The following WDR27 variants were observed in gnomAD, a reference collection of about 807,000 sequenced individuals.
WDR27 encodes the protein WD repeat-containing protein 27.
Under a neutral mutation model 114.4 loss-of-function variants are expected in WDR27, and 100 were observed. The ratio of observed to expected loss-of-function variants is 0.87; its 90% CI spans 0.74 to 1.03. The LOEUF is 1.03. WDR27 is among the 50% of genes least tolerant of loss of function. WDR27 has a pLI of 0.00. For missense variants in WDR27, 1,129 were observed against 1,092.9 expected, an observed-to-expected ratio of 1.03 and a Z score of -0.47; for synonymous variants, 449 against 423.1, an observed-to-expected ratio of 1.06 and a Z score of -0.75.
At chr6:169,657,086 C>T (rs985161746) in intron 13 of WDR27, among the ~76,000 whole-genome samples, 2 of 152,092 alleles carry the variant, frequency 1.3e-5, no homozygotes, top group African/African-American at 2.4e-5. Context: ...GGAAACAGGG[C>T]GGAGGAATGG....
At chr6:169,695,485 A>G (rs934322281) in intron 1 of WDR27, among the ~76,000 whole-genome samples, 1 of 152,238 alleles carries the variant, frequency 6.6e-6, no homozygotes, top group Non-Finnish European at 1.5e-5. Context: ...AGAAACAGAC[A>G]TCGCTTCTCT....
At chr6:169,640,209 C>T (rs1477088115) in intron 17 of WDR27, among the ~76,000 whole-genome samples, 3 of 152,312 alleles carry the variant, frequency 2.0e-5, no homozygotes, top group South Asian at 2.1e-4. Flanking sequence ...GATCTCCCCA[C>T]GGAGCAGAAG....
At chr6:169,444,362 C>T in the WDR27 span, among the ~76,000 whole-genome samples, 1 of 152,228 alleles carries the variant, frequency 6.6e-6, no homozygotes, top group East Asian at 1.9e-4. Flanking sequence ...GTTTGTCCCT[C>T]ATTAGCCTGT....
intron 25 of WDR27, among the ~76,000 whole-genome samples, chr6:169,529,591 A>T (rs1795353025): frequency 6.6e-6 from 1 of 152,216 alleles, no homozygotes; most frequent in African/African-American, 2.4e-5. Flanking sequence ...GCACTCATTA[A>T]ATCAGAGTTA....
intron 13 of WDR27, among the ~76,000 whole-genome samples, chr6:169,652,405 C>T (rs903596371): frequency 2.0e-5 from 3 of 152,186 alleles, no homozygotes; most frequent in East Asian, 1.9e-4. Flanking sequence ...CACGCCACCA[C>T]GCCTGGCTAA....
Position 169,613,505 on chromosome 6 carries a change from C to T in WDR27, c.2321+54G>A. The stretch of plus-strand genomic sequence containing the variant: ...CATTCGGAAAAGAGATCAGATTGAG[C>T]TTATATCTCTTGAGCTCCCCACCCC... On this transcript the variant is annotated intron_variant, in intron 22 of 25. Coordinates refer to ENST00000448612, the MANE Select transcript of WDR27 (RefSeq NM_182552.5). The T allele has an allele frequency of 6.5e-6, 9 of 1,392,210 alleles. No individual in the cohort carries two copies. The South Asian group carries it at 1.1e-4, about 16-fold the overall frequency. 86.2% of individuals were successfully genotyped at this position (1,392,210 alleles called of 1,614,324 possible). A position where few individuals can be genotyped will look rare whatever the true frequency, so the allele number is the denominator to read the frequency against.
chr6:169,617,616 TC>T (rs1812168853), intron 21 of WDR27, among the ~76,000 whole-genome samples: 1 of 152,188 alleles, frequency 6.6e-6, no homozygotes, highest in Non-Finnish European at 1.5e-5. Flanking sequence ...CCTCAGGTGA[TC>T]CACCCACCTC....
At chr6:169,645,036 T>TAAAAAAAA (rs369797685) in intron 16 of WDR27, among the ~76,000 whole-genome samples, 245 of 76,876 alleles carry the variant, frequency 3.2e-3, no homozygotes, top group Non-Finnish European at 4.7e-3. Flanking sequence ...AAAAAAAAAA[T>TAAAAAAAA]AAAAAAAAAA....
At chr6:169,683,632 G>A (rs1782124840) in intron 2 of WDR27, among the ~76,000 whole-genome samples, 2 of 152,296 alleles carry the variant, frequency 1.3e-5, no homozygotes, top group East Asian at 3.9e-4. Context: ...CACCTGTGGT[G>A]ACTGGAAGTC....
At chr6:169,559,307 G>C (rs1411543563) in intron 25 of WDR27, 2 of 152,202 alleles carry the variant, frequency 1.3e-5, no homozygotes, top group Non-Finnish European at 2.9e-5. Context: ...TTCACGGTTT[G>C]GCTGTTGACT....
At chr6:169,671,362 T>C (rs1778703297) in intron 3 of WDR27, 1 of 152,396 alleles carries the variant, frequency 6.6e-6, no homozygotes, top group African/African-American at 2.4e-5. Flanking sequence ...CACGTGCTCA[T>C]GTCCCACAGG....
rs192208524 is a variant in WDR27 at position 169,641,411 on chromosome 6, G to A, written c.1747+2286C>T. Among the ~76,000 whole-genome samples, 49 of 152,286 alleles carry A rather than the reference G, an allele frequency of 3.2e-4. No individual in the cohort carries two copies. In the South Asian group the frequency reaches 5.0e-3, roughly 15 times the overall value. ...TCTCCCCACGATCTCCTCACGGTACGGAAGGCCTCCCTCCTCTTTTCAGTT... is the reference window on the plus strand; with the variant it reads ...TCTCCCCACGATCTCCTCACGGTACAGAAGGCCTCCCTCCTCTTTTCAGTT... On this transcript the variant is annotated intron_variant, in intron 17 of 25. Coordinates refer to ENST00000448612, the MANE Select transcript of WDR27 (RefSeq NM_182552.5).
chr6:169,669,313 C>T (rs1778096524), intron 4 of WDR27, among the ~76,000 whole-genome samples: 2 of 152,204 alleles, frequency 1.3e-5, no homozygotes, highest in Non-Finnish European at 2.9e-5. Flanking sequence ...AGTGAAGTGT[C>T]TTTCAGTTGA....
At chr6:169,428,071 C>G in the WDR27 span, among the ~76,000 whole-genome samples, 2 of 152,176 alleles carry the variant, frequency 1.3e-5, no homozygotes, top group Non-Finnish European at 2.9e-5. Context: ...TCCGCAGTTA[C>G]AAAACAGAGG....
At chr6:169,474,364 C>G (rs904685620) in intron 25 of WDR27, among the ~76,000 whole-genome samples, 1 of 152,152 alleles carries the variant, frequency 6.6e-6, no homozygotes, top group African/African-American at 2.4e-5. Flanking sequence ...ACAGCAGAAA[C>G]AAAGTACTAA....
chr6:169,645,036 T>TAAAAAAAAAAAAAAAAA (rs369797685), intron 16 of WDR27, among the ~76,000 whole-genome samples: 54 of 76,944 alleles, frequency 7.0e-4, no homozygotes, highest in Non-Finnish European at 1.0e-3. Flanking sequence ...AAAAAAAAAA[T>TAAAAAAAAAAAAAAAAA]AAAAAAAAAA....
At chr6:169,588,722 G>GGCT (rs1299000071) in intron 23 of WDR27, among the ~76,000 whole-genome samples, 3 of 152,236 alleles carry the variant, frequency 2.0e-5, no homozygotes, top group Admixed American at 2.0e-4. Flanking sequence ...TCCCAGGTCA[G>GGCT]GCTGCTGCTG....
chr6:169,527,078 G>A (rs80039317), intron 25 of WDR27, among the ~76,000 whole-genome samples: 2,482 of 152,258 alleles, frequency 0.016, 63 homozygotes, highest in African/African-American at 0.057. Flanking sequence ...CTGGTATAAA[G>A]GTTTAGCAAT....
chr6:169,667,537 GCA>G (rs919844490), intron 5 of WDR27, among the ~76,000 whole-genome samples: 2 of 152,164 alleles, frequency 1.3e-5, no homozygotes, highest in African/African-American at 4.8e-5. Flanking sequence ...CAGGTCAGGT[GCA>G]CACTCGCTGG....
Sources: gnomAD v4.1 joint callset for allele counts (sites outside exome capture counted in the v4.1 genomes callset) on GRCh38, gnomAD v4.1.1 for gene constraint, MANE v1.5 for transcripts, NCBI Gene and HGNC (gene_info 2026-07-23, HGNC 2026-07-21) for gene names.